The following TUBGCP3 variants were observed in gnomAD, a reference collection of about 807,000 sequenced individuals.
The protein encoded by TUBGCP3 is tubulin gamma complex component 3.
TUBGCP3 carries 50 observed loss-of-function variants against 123.1 expected under a neutral mutation model. The observed-to-expected ratio is 0.41, with a 90% CI of 0.32 to 0.51. The LOEUF (loss-of-function observed/expected upper bound fraction) is 0.51. TUBGCP3 is among the 20% of genes least tolerant of loss of function. The pLI is 0.36. For synonymous variants in TUBGCP3, 405 were observed against 413.9 expected (o/e 0.98, Z 0.26); for missense variants, 882 against 1,127.0 (o/e 0.78, Z 3.11).
intron 10 of TUBGCP3, chr13:112,546,430 G>A (rs1019065260): frequency 6.6e-6 from 1 of 152,632 alleles, no homozygotes; most frequent in Non-Finnish European, 1.5e-5. Flanking sequence ...ATGAAGGACT[G>A]GGAGTGGCAA....
chr13:112,547,573 AAAGTCGCGCG>A (rs764835530), intron 10 of TUBGCP3, 37 bp downstream of exon 10: 2 of 1,427,188 alleles, frequency 1.4e-6, no homozygotes, highest in African/African-American at 3.0e-5. Context: ...CGCGCGTGGG[AAAGTCGCGCG>A]TGGGAAAGAC....
At chr13:112,490,104 T>A (rs531042578) in intron 20 of TUBGCP3, among the ~76,000 whole-genome samples, 15 of 152,332 alleles carry the variant, frequency 9.8e-5, no homozygotes, top group Admixed American at 2.0e-4. Flanking sequence ...TAAACTATTA[T>A]CTTGACTTTA....
intron 11 of TUBGCP3, among the ~76,000 whole-genome samples, chr13:112,537,125 TC>T (rs1225401957): frequency 1.5e-3 from 168 of 109,734 alleles, no homozygotes; most frequent in Non-Finnish European, 2.3e-3. Flanking sequence ...TTTACCTTTT[TC>T]CTTTTTTTTT....
chr13:112,490,518 G>C (rs542135678), intron 20 of TUBGCP3, among the ~76,000 whole-genome samples: 1 of 152,228 alleles, frequency 6.6e-6, no homozygotes, highest in Non-Finnish European at 1.5e-5. Flanking sequence ...GCCTCCCAAA[G>C]TGCTGGGATT....
At chr13:112,599,620 C>T in the TUBGCP3 span, among the ~76,000 whole-genome samples, 1 of 152,178 alleles carries the variant, frequency 6.6e-6, no homozygotes, top group East Asian at 1.9e-4. Flanking sequence ...GATTCTCCTA[C>T]CTCAGCCTCC....
intron 1 of TUBGCP3, among the ~76,000 whole-genome samples, chr13:112,570,805 T>A (rs189844054): frequency 3.3e-4 from 51 of 152,356 alleles, no homozygotes; most frequent in Admixed American, 3.0e-3. Context: ...CCAGTCCTCT[T>A]AAACCCTGCC....
At chr13:112,529,472 C>T (rs9604338) in intron 11 of TUBGCP3, among the ~76,000 whole-genome samples, 25,166 of 152,124 alleles carry the variant, frequency 0.17, 2,226 homozygotes, top group Middle Eastern at 0.21. Flanking sequence ...ATCATGAGAG[C>T]GTGGATTTAA....
chr13:112,509,125 C>T (rs1414664944), intron 17 of TUBGCP3, among the ~76,000 whole-genome samples: 2 of 152,200 alleles, frequency 1.3e-5, no homozygotes, highest in Non-Finnish European at 2.9e-5. Flanking sequence ...CCCCACTGAC[C>T]CGAACAGCTC....
intron 7 of TUBGCP3, among the ~76,000 whole-genome samples, chr13:112,554,666 C>T (rs1433681929): frequency 6.6e-6 from 1 of 152,126 alleles, no homozygotes; most frequent in Non-Finnish European, 1.5e-5. Context: ...CATCAGTAGA[C>T]GTGAGGAAAG....
At chr13:112,527,148 AAACT>A in intron 12 of TUBGCP3, 98 bp from the exon 13 acceptor site, 9 of 1,092,514 alleles carry the variant, frequency 8.2e-6, no homozygotes, top group Non-Finnish European at 1.2e-5. Flanking sequence ...TATTGATTGA[AAACT>A]AACAAGAGCA....
chr13:112,526,142 CATCATTACCACCATCATCACCATCACT>C (rs1182016286), intron 13 of TUBGCP3, among the ~76,000 whole-genome samples: 1 of 126,464 alleles, frequency 7.9e-6, no homozygotes, highest in East Asian at 2.8e-4. Flanking sequence ...ACATCACCAT[CATCATTACCACCATCATCACCATCACT>C]ATCATCACCA....
intron 1 of TUBGCP3, among the ~76,000 whole-genome samples, chr13:112,585,230 A>T (rs774944272): frequency 6.6e-5 from 10 of 152,236 alleles, no homozygotes; most frequent in Non-Finnish European, 1.2e-4. Flanking sequence ...CTATGGAGTT[A>T]CCAGATAAAA....
At chr13:112,554,768 C>T (rs1879884112) in intron 7 of TUBGCP3, 119 bp downstream of exon 7, 1 of 669,104 alleles carries the variant, frequency 1.5e-6, no homozygotes, top group South Asian at 2.0e-5. Context: ...AGTGCAATTT[C>T]ACCTCACAAC....
intron 17 of TUBGCP3, among the ~76,000 whole-genome samples, chr13:112,510,422 T>C (rs1881604713): frequency 6.6e-6 from 1 of 152,176 alleles, no homozygotes; most frequent in Non-Finnish European, 1.5e-5. Flanking sequence ...CTTACTGTAT[T>C]TAAAAGTGAC....
At chr13:112,502,778 C>G (rs979660307) in intron 19 of TUBGCP3, among the ~76,000 whole-genome samples, 1 of 152,022 alleles carries the variant, frequency 6.6e-6, no homozygotes, top group African/African-American at 2.4e-5. Context: ...AGCTCCTAAC[C>G]TCGTGATCCA....
At chr13:112,523,358 A>G (rs1442698673) in intron 13 of TUBGCP3, among the ~76,000 whole-genome samples, 2 of 152,250 alleles carry the variant, frequency 1.3e-5, no homozygotes, top group Non-Finnish European at 2.9e-5. Flanking sequence ...TAAATATACC[A>G]GAAGACTCTT....
At chr13:112,536,364 A>G (rs1878057561) in intron 11 of TUBGCP3, among the ~76,000 whole-genome samples, 1 of 152,214 alleles carries the variant, frequency 6.6e-6, no homozygotes, top group Non-Finnish European at 1.5e-5. Context: ...AAACATTGAA[A>G]GTGTGTCTCA....
rs907914558 is a variant in TUBGCP3, at chr13:112,485,491, TA to T, written c.*501del. ...CACAGAGGTTAATATTTTACAACACTAAAAAAAAATAAAATGCTCTATATAT... is the reference window on the plus strand; with the variant it reads ...CACAGAGGTTAATATTTTACAACACTAAAAAAAATAAAATGCTCTATATAT... On this transcript the variant is annotated 3_prime_UTR_variant, in exon 22 of 22. Transcript: ENST00000261965. 51 of 151,544 alleles carry T rather than the reference TA, an allele frequency of 3.4e-4. No individual in the cohort carries two copies. The highest frequency in any genetic ancestry group is 4.6e-4 in the Non-Finnish European group (31 of 67,846). 9.4% of individuals were successfully genotyped at this position (151,544 alleles called of 1,614,324 possible).
chr13:112,503,530 C>T (rs560971043), intron 19 of TUBGCP3, among the ~76,000 whole-genome samples: 5 of 152,144 alleles, frequency 3.3e-5, no homozygotes, highest in South Asian at 4.2e-4. Context: ...CCACCACGAC[C>T]GGCTAGTGTG....
Sources: allele counts gnomAD v4.1 joint callset (sites outside exome capture counted in the v4.1 genomes callset), GRCh38; gene constraint gnomAD v4.1.1; transcripts MANE v1.5; gene names NCBI Gene and HGNC (gene_info 2026-07-23, HGNC 2026-07-21).